The following DGKG variants were observed in gnomAD, a reference collection of about 807,000 sequenced individuals.
DGKG encodes the protein diacylglycerol kinase gamma, also known as DAG kinase gamma.
Under a neutral mutation model 105.3 loss-of-function variants are expected in DGKG, and 78 were observed. The ratio of observed to expected loss-of-function variants is 0.74; its 90% CI spans 0.62 to 0.89. DGKG has a LOEUF of 0.89. Among genes scored for constraint, DGKG ranks in the 40% least tolerant of loss-of-function variants. The pLI is 0.00. For missense variants in DGKG, 958 were observed against 1,020.1 expected, an observed-to-expected ratio of 0.94 and a Z score of 0.83; for synonymous variants, 346 against 367.1, an observed-to-expected ratio of 0.94 and a Z score of 0.66.
At chr3:186,204,983 G>A (rs1392333359) in intron 21 of DGKG, among the ~76,000 whole-genome samples, 3 of 152,152 alleles carry the variant, frequency 2.0e-5, no homozygotes, top group Non-Finnish European at 4.4e-5. Context: ...CAGGCCAGGT[G>A]CAGTGGCTCA....
chr3:186,176,970 G>C lies in DGKG; in HGVS notation c.2095+11232C>G, dbSNP rs114117010. ...TGAGCTTGTTGGGAGAAGGAGCAGG[G>C]GTCCTGCTGGGTGGTTTTTGGGGAG... On this transcript the variant is annotated intron_variant, in intron 22 of 24. Transcript: ENST00000265022. Among the ~76,000 whole-genome samples, 1,204 of 152,320 alleles carry C rather than the reference G, an allele frequency of 7.9e-3. 24 individuals are homozygous for C. The highest frequency in any genetic ancestry group is 0.027 in the African/African-American group (1,103 of 41,562).
rs200086249 is a variant in DGKG at position 186,275,650 on chromosome 3, A to G, written c.807T>C (p.Asp269=). 28 of 1,613,840 alleles carry G rather than the reference A, an allele frequency of 1.7e-5. No homozygotes were observed. In the Admixed American group the frequency reaches 4.0e-4, roughly 23 times the overall value. The change falls in exon 10 of 25, where the codon GAT becomes GAC. Residue 269 remains aspartate (D), a synonymous_variant. Transcript: ENST00000265022. ...GCTTCATGGTCCAGGCGTGCCGCCCATCCCCCTTGGAGCCCTGCAGGGGTA... is the reference window on the plus strand; with the variant it reads ...GCTTCATGGTCCAGGCGTGCCGCCCGTCCCCCTTGGAGCCCTGCAGGGGTA... ...LGMDDSGSKG[D]GRHAWTMKHF... is the part of the protein sequence containing the mutation.
chr3:186,306,430 G>A (rs1463389446), intron 3 of DGKG, among the ~76,000 whole-genome samples: 1 of 152,006 alleles, frequency 6.6e-6, no homozygotes, highest in Non-Finnish European at 1.5e-5. Context: ...GGAGTCTGGG[G>A]AAGATATGTT....
chr3:186,332,610 T>G (rs1288854406), intron 1 of DGKG, among the ~76,000 whole-genome samples: 1 of 152,202 alleles, frequency 6.6e-6, no homozygotes. Context: ...CTTGGCTCTA[T>G]CCTATATAAC....
chr3:186,287,661 A>G (rs1172370734), intron 6 of DGKG, among the ~76,000 whole-genome samples: 1 of 152,244 alleles, frequency 6.6e-6, no homozygotes. Flanking sequence ...TTTTAACATT[A>G]GCTAGAAGAA....
chr3:186,151,889 G>A (rs538043623), intron 24 of DGKG, among the ~76,000 whole-genome samples: 4 of 152,142 alleles, frequency 2.6e-5, no homozygotes, highest in Admixed American at 6.5e-5. Context: ...GACCAGCCTG[G>A]CCAACATGGT....
chr3:186,269,962 A>T (rs1722241816), intron 11 of DGKG, among the ~76,000 whole-genome samples: 1 of 152,160 alleles, frequency 6.6e-6, no homozygotes, highest in Non-Finnish European at 1.5e-5. Flanking sequence ...TTCTCACCAA[A>T]ATTCTCACTC....
At chr3:186,316,790 C>T (rs1724839715) in intron 2 of DGKG, among the ~76,000 whole-genome samples, 1 of 152,222 alleles carries the variant, frequency 6.6e-6, no homozygotes, top group African/African-American at 2.4e-5. Flanking sequence ...GTTCTCAATT[C>T]TCAGGCTGTA....
chr3:186,159,589 G>C (rs1578602362), intron 24 of DGKG: 1 of 152,206 alleles, frequency 6.6e-6, no homozygotes, highest in Admixed American at 6.5e-5. Context: ...TTTACCAAAA[G>C]TTCTTTTGGG....
At chr3:186,240,261 G>A (rs138310774) in intron 20 of DGKG, among the ~76,000 whole-genome samples, 49 of 152,172 alleles carry the variant, frequency 3.2e-4, no homozygotes, top group African/African-American at 1.1e-3. Flanking sequence ...GCCACGTTTC[G>A]TGTCCTTGGT....
At chr3:186,172,007 C>T (rs2108486664) in intron 22 of DGKG, among the ~76,000 whole-genome samples, 1 of 152,284 alleles carries the variant, frequency 6.6e-6, no homozygotes, top group Middle Eastern at 3.4e-3. Flanking sequence ...AGGCACCCAC[C>T]ATCATGCCCA....
chr3:186,249,687 C>A (rs1055521735), intron 19 of DGKG, among the ~76,000 whole-genome samples: 1 of 152,066 alleles, frequency 6.6e-6, no homozygotes, highest in Non-Finnish European at 1.5e-5. Flanking sequence ...ACTAAAAATA[C>A]AAAAATTAGC....
chr3:186,148,118 C>T lies in DGKG; in HGVS notation c.*1972G>A, dbSNP rs529023779. On this transcript the variant is annotated 3_prime_UTR_variant, in exon 25 of 25. Coordinates refer to ENST00000265022, the MANE Select transcript of DGKG (RefSeq NM_001346.3). Reference sequence around the variant, plus strand: ...GATATCAAGTGGGTCCAAGTTTCCACTGATAAATCTCAGAGAGGGATGGAG... The same window carrying T: ...GATATCAAGTGGGTCCAAGTTTCCATTGATAAATCTCAGAGAGGGATGGAG... The T allele has an allele frequency of 1.2e-5, 12 of 985,450 alleles. No homozygotes were observed. The East Asian group carries it at 1.1e-3, about 93-fold the overall frequency. The allele number at this position is 985,450 out of a possible 1,614,324, so 61.0% of individuals were successfully genotyped here.
At chr3:186,322,049 T>C (rs1437556067) in intron 1 of DGKG, among the ~76,000 whole-genome samples, 1 of 152,202 alleles carries the variant, frequency 6.6e-6, no homozygotes, top group Non-Finnish European at 1.5e-5. Flanking sequence ...TTCTTTGCCA[T>C]GGCAGAAAAC....
At chr3:186,289,976 G>A (rs1176694769) in intron 5 of DGKG, among the ~76,000 whole-genome samples, 1 of 152,172 alleles carries the variant, frequency 6.6e-6, no homozygotes, top group Non-Finnish European at 1.5e-5. Context: ...GTGGGTCTGA[G>A]GAGGGAGTTA....
chr3:186,287,803 G>A (rs3819863), intron 6 of DGKG, among the ~76,000 whole-genome samples: 78,518 of 151,602 alleles, frequency 0.52, 21,111 homozygotes, highest in Non-Finnish European at 0.57. Flanking sequence ...GCAAGAATTA[G>A]CCTTTGGCAG....
At chr3:186,184,297 C>A (rs1193545354) in intron 22 of DGKG, among the ~76,000 whole-genome samples, 1 of 152,172 alleles carries the variant, frequency 6.6e-6, no homozygotes, top group African/African-American at 2.4e-5. Context: ...AAAATTTAAA[C>A]CCAGATTATC....
At chr3:186,258,330 G>A (rs889103257) in intron 16 of DGKG, among the ~76,000 whole-genome samples, 5 of 152,134 alleles carry the variant, frequency 3.3e-5, no homozygotes, top group Non-Finnish European at 5.9e-5. Flanking sequence ...AAGATGCACC[G>A]AATTTGCTGG....
intron 20 of DGKG, among the ~76,000 whole-genome samples, chr3:186,235,025 C>T (rs994788252): frequency 6.6e-6 from 1 of 152,092 alleles, no homozygotes; most frequent in South Asian, 2.1e-4. Flanking sequence ...ATTTGTGTAA[C>T]GTTGAGCACC....
Sources: gnomAD v4.1 joint callset for allele counts (sites outside exome capture counted in the v4.1 genomes callset) on GRCh38, gnomAD v4.1.1 for gene constraint, MANE v1.5 for transcripts, NCBI Gene and HGNC (gene_info 2026-07-23, HGNC 2026-07-21) for gene names.